IL7: variants seen among roughly 807,000 people sequenced by gnomAD.
IL7 encodes the protein interleukin-7.
Under a neutral mutation model 21.6 loss-of-function variants are expected in IL7, and 3 were observed. The observed-to-expected ratio is 0.14, with a 90% CI of 0.06 to 0.36. The LOEUF (loss-of-function observed/expected upper bound fraction) is 0.36. IL7 is among the 10% of genes least tolerant of loss of function. The pLI is 1.00. For synonymous variants in IL7, 62 were observed against 68.1 expected, an observed-to-expected ratio of 0.91 and a Z score of 0.44; for missense variants, 175 against 200.2, an observed-to-expected ratio of 0.87 and a Z score of 0.76.
In IL7 at chr8:78,805,133, T is replaced by C. The variant is rs1814287246; in HGVS notation, c.-211A>G. Reference sequence around the variant, plus strand: ...GGCGGCACACACTACGGCGTGGCTCTGCGCTTTGCCTTTTCCATAACTTCC... The same window carrying C: ...GGCGGCACACACTACGGCGTGGCTCCGCGCTTTGCCTTTTCCATAACTTCC... On this transcript the variant is annotated 5_prime_UTR_variant, in exon 1 of 6. Coordinates refer to ENST00000263851, the MANE Select transcript of IL7 (RefSeq NM_000880.4). The C allele has an allele frequency of 1.1e-5, 6 of 527,138 alleles. No individual in the cohort carries two copies. The highest frequency in any genetic ancestry group is 5.4e-5 in the South Asian group (2 of 36,898). 32.7% of individuals were successfully genotyped at this position (527,138 alleles called of 1,614,324 possible). A position where few individuals can be genotyped will look rare whatever the true frequency, so the allele number is the denominator to read the frequency against.
intron 3 of IL7, among the ~76,000 whole-genome samples, chr8:78,739,277 G>A (rs1169325025): frequency 6.6e-6 from 1 of 152,044 alleles, no homozygotes; most frequent in East Asian, 1.9e-4. Context: ...ACTAGATGTG[G>A]TAATCATTTA....
chr8:78,689,280 T>TA, intron 3 of IL7: 1 of 1,601,090 alleles, frequency 6.2e-7, no homozygotes, highest in Non-Finnish European at 8.5e-7. Context: ...CTGATAGACA[T>TA]ATAAATTTCT....
At chr8:78,747,101 G>A in intron 2 of IL7, 1 of 455,970 alleles carries the variant, frequency 2.2e-6, no homozygotes. Context: ...CTGATTCTAA[G>A]GATTGGAAAG....
At chr8:78,779,589 A>G (rs1196328993) in intron 2 of IL7, among the ~76,000 whole-genome samples, 3 of 152,216 alleles carry the variant, frequency 2.0e-5, no homozygotes, top group Non-Finnish European at 2.9e-5. Flanking sequence ...GATGAAGCCA[A>G]CTTGATCATG....
chr8:78,759,077 T>C (rs1812453992), intron 2 of IL7, among the ~76,000 whole-genome samples: 1 of 151,330 alleles, frequency 6.6e-6, no homozygotes, highest in Admixed American at 6.6e-5. Context: ...ACCTTTTTTT[T>C]TAATCTGGCT....
downstream of IL7, chr8:78,715,181 C>T: frequency 1.3e-6 from 2 of 1,558,668 alleles, no homozygotes; most frequent in Non-Finnish European, 1.8e-6. Flanking sequence ...TACATGCTCA[C>T]TGTTCAATAC....
intron 4 of IL7, among the ~76,000 whole-genome samples, chr8:78,681,662 T>C (rs1809783709): frequency 6.6e-6 from 1 of 152,148 alleles, no homozygotes; most frequent in Non-Finnish European, 1.5e-5. Flanking sequence ...AAATTAAAGG[T>C]AGCTGAGCCA....
intron 3 of IL7, among the ~76,000 whole-genome samples, chr8:78,724,957 G>C (rs142971699): frequency 6.6e-6 from 1 of 152,104 alleles, no homozygotes; most frequent in East Asian, 1.9e-4. Flanking sequence ...CTGTCTTCTA[G>C]TGAAAAATTA....
chr8:78,701,165 C>T (rs140780191), intron 3 of IL7, among the ~76,000 whole-genome samples: 145 of 152,246 alleles, frequency 9.5e-4, no homozygotes, highest in South Asian at 6.2e-3. Flanking sequence ...TCTTTAATTT[C>T]TTTGAGCATT....
intron 2 of IL7, among the ~76,000 whole-genome samples, chr8:78,783,494 T>C (rs1313384757): frequency 6.6e-6 from 1 of 152,110 alleles, no homozygotes; most frequent in Non-Finnish European, 1.5e-5. Context: ...TTTTTGTTAT[T>C]CTCGGTGGAG....
intron 2 of IL7, among the ~76,000 whole-genome samples, chr8:78,743,931 C>A (rs147913204): frequency 6.6e-6 from 1 of 152,278 alleles, no homozygotes; most frequent in East Asian, 1.9e-4. Context: ...TGCAAAACAG[C>A]AAAGATGGCA....
intron 2 of IL7, among the ~76,000 whole-genome samples, chr8:78,773,908 A>G (rs558565836): frequency 6.6e-6 from 1 of 152,116 alleles, no homozygotes; most frequent in Non-Finnish European, 1.5e-5. Flanking sequence ...ATTCTGCCTC[A>G]TTGCAAATAT....
At chr8:78,754,536 C>A (rs1812283691) in intron 2 of IL7, among the ~76,000 whole-genome samples, 1 of 152,112 alleles carries the variant, frequency 6.6e-6, no homozygotes, top group South Asian at 2.1e-4. Flanking sequence ...TTAGAAAAAG[C>A]TACTTTAAAT....
intron 2 of IL7, among the ~76,000 whole-genome samples, chr8:78,778,589 C>T (rs1352893651): frequency 6.6e-6 from 1 of 152,070 alleles, no homozygotes; most frequent in African/African-American, 2.4e-5. Context: ...CTATTCTTTT[C>T]CATTGGACTA....
At chr8:78,688,442 A>C (rs142465227) in intron 3 of IL7, among the ~76,000 whole-genome samples, 1 of 152,152 alleles carries the variant, frequency 6.6e-6, no homozygotes, top group African/African-American at 2.4e-5. Flanking sequence ...ATAAATTGAA[A>C]AGGGCAAACT....
intron 4 of IL7, among the ~76,000 whole-genome samples, chr8:78,681,618 T>C (rs1282676394): frequency 6.6e-6 from 1 of 152,188 alleles, no homozygotes; most frequent in Admixed American, 6.5e-5. Context: ...GTAATATTGA[T>C]GCTAGATTTT....
intron 2 of IL7, among the ~76,000 whole-genome samples, chr8:78,759,924 G>C (rs780688337): frequency 1.3e-5 from 2 of 152,120 alleles, no homozygotes; most frequent in Non-Finnish European, 1.5e-5. Flanking sequence ...CACGCAAAAG[G>C]AAACATGGAA....
chr8:78,744,118 G>A (rs1055919348), intron 2 of IL7, among the ~76,000 whole-genome samples: 11 of 152,122 alleles, frequency 7.2e-5, no homozygotes, highest in Non-Finnish European at 1.0e-4. Flanking sequence ...GAGCAGCTGC[G>A]CAGTGCTGGG....
intron 2 of IL7, among the ~76,000 whole-genome samples, chr8:78,751,995 T>A (rs995430865): frequency 3.9e-5 from 6 of 152,150 alleles, no homozygotes; most frequent in Admixed American, 1.3e-4. Flanking sequence ...ATGTTTTAGC[T>A]CCCACATATA....
Sources: allele counts gnomAD v4.1 joint callset (sites outside exome capture counted in the v4.1 genomes callset), GRCh38; gene constraint gnomAD v4.1.1; transcripts MANE v1.5; gene names NCBI Gene and HGNC (gene_info 2026-07-23, HGNC 2026-07-21).